NXN: variants seen among roughly 807,000 people sequenced by gnomAD.
NXN encodes nucleoredoxin, also known as nucleoredoxin 1.
In NXN, 16 loss-of-function variants were observed where a neutral mutation model predicts 48.6. The observed-to-expected ratio is 0.33, with a 90% CI of 0.22 to 0.50. The LOEUF is 0.50. Ranked by LOEUF, NXN falls within the 20% of genes least tolerant of loss-of-function variation. NXN has a pLI of 0.98. For synonymous variants in NXN, 281 were observed against 269.6 expected (o/e 1.04, Z -0.41); for missense variants, 492 against 605.5 (o/e 0.81, Z 1.97).
chr17:807,343 G>A lies in NXN; in HGVS notation c.821-2096C>T, dbSNP rs547683458. ...AGCCCCTGCTGCTGTGACAGGCCCCGCGGCCAGCCTGCGTGTGCCCCGGCG... is the reference window on the plus strand; with the variant it reads ...AGCCCCTGCTGCTGTGACAGGCCCCACGGCCAGCCTGCGTGTGCCCCGGCG... On this transcript the variant is annotated intron_variant, in intron 5 of 7. Transcript: ENST00000336868. Among the ~76,000 whole-genome samples the A allele has an allele frequency of 2.6e-3, 399 of 152,306 alleles. 1 individual carries two copies. The highest frequency in any genetic ancestry group is 9.3e-3 in the African/African-American group (387 of 41,564).
At chr17:962,354 G>A (rs537878101) in intron 1 of NXN, among the ~76,000 whole-genome samples, 102 of 152,114 alleles carry the variant, frequency 6.7e-4, no homozygotes, top group African/African-American at 2.1e-3. Flanking sequence ...CTAACAAAAC[G>A]AAGGTCCTTC....
At chr17:953,814 G>A (rs1451417631) in intron 1 of NXN, among the ~76,000 whole-genome samples, 3 of 152,050 alleles carry the variant, frequency 2.0e-5, no homozygotes, top group Admixed American at 1.3e-4. Context: ...ACACGCGCCT[G>A]TAGTCCCAGC....
rs528145268 is a variant in NXN, at chr17:813,772, G to T, written c.820+5667C>A. On this transcript the variant is annotated intron_variant, in intron 5 of 7. Coordinates refer to ENST00000336868, the MANE Select transcript of NXN (RefSeq NM_022463.5). ...TCACGAGGTCAGGAGTTTGAGACCA[G>T]CCTGGTCAAATGGAGAAACTCTGTC... is the stretch of plus-strand genomic sequence containing the variant. Among the ~76,000 whole-genome samples, 89 of 151,494 alleles carry T rather than the reference G, an allele frequency of 5.9e-4. 1 individual carries two copies. In the Middle Eastern group the frequency reaches 0.038, roughly 65 times the overall value.
Position 892,181 on chromosome 17 carries a change from T to C in NXN, c.361-66103A>G, listed in dbSNP as rs55651433. On this transcript the variant is annotated intron_variant, in intron 1 of 7. Transcript: ENST00000336868. ...AGGGAACTAAGCTAACCCCACCATG[T>C]ACAGCCCAACAGGGAACTAAGCTAA... is the stretch of plus-strand genomic sequence containing the variant. Among the ~76,000 whole-genome samples the C allele has an allele frequency of 4.4e-3, 358 of 82,218 alleles. 2 individuals are homozygous for C. The highest frequency in any genetic ancestry group is 0.015 in the African/African-American group (297 of 20,146). 53.9% of individuals were successfully genotyped at this position (82,218 alleles called of 152,430 possible).
At chr17:863,277 C>T (rs149892335) in intron 1 of NXN, among the ~76,000 whole-genome samples, 1 of 152,192 alleles carries the variant, frequency 6.6e-6, no homozygotes, top group Non-Finnish European at 1.5e-5. Flanking sequence ...AAGTGATTCT[C>T]CTACCTCAGC....
intron 1 of NXN, among the ~76,000 whole-genome samples, chr17:965,497 G>A (rs2069291165): frequency 1.3e-5 from 2 of 152,098 alleles, no homozygotes; most frequent in South Asian, 4.1e-4. Flanking sequence ...TGTCTGTGAG[G>A]GCCTCCTACA....
At chr17:975,886 G>A (rs1007593835) in intron 1 of NXN, among the ~76,000 whole-genome samples, 5 of 152,130 alleles carry the variant, frequency 3.3e-5, no homozygotes, top group Non-Finnish European at 7.3e-5. Context: ...CCTGACTATC[G>A]ATCACATTCC....
rs1035945888 is a variant in NXN at position 864,740 on chromosome 17, C to T, written c.361-38662G>A. 3.9e-5 allele frequency among the ~76,000 whole-genome samples: 6 copies of T among 152,180 alleles called. 1 individual carries two copies. The highest frequency in any genetic ancestry group is 2.0e-4 in the Admixed American group (3 of 15,270). Reference sequence around the variant, plus strand: ...CTCACTCTGAGGCTCCTCTAATTAACGGACCTCTAAGGAATGTGTTTGGCA... The same window carrying T: ...CTCACTCTGAGGCTCCTCTAATTAATGGACCTCTAAGGAATGTGTTTGGCA... On this transcript the variant is annotated intron_variant, in intron 1 of 7. Transcript: ENST00000336868.
At chr17:918,880 G>A (rs1284184245) in intron 1 of NXN, among the ~76,000 whole-genome samples, 3 of 151,386 alleles carry the variant, frequency 2.0e-5, no homozygotes, top group East Asian at 3.9e-4. Flanking sequence ...GTTAAACTAC[G>A]TTTCCACAGC....
chr17:812,696 ATG>A (rs1912165391), intron 5 of NXN, among the ~76,000 whole-genome samples: 1 of 103,340 alleles, frequency 9.7e-6, no homozygotes, highest in Non-Finnish European at 2.1e-5. Context: ...GCACATATGA[ATG>A]TAGGTGTTTG....
chr17:953,410 G>A (rs370278235), intron 1 of NXN, among the ~76,000 whole-genome samples: 6 of 152,092 alleles, frequency 3.9e-5, no homozygotes, highest in South Asian at 2.1e-4. Flanking sequence ...GCGAGACTCC[G>A]TCTCAAAAAA....
intron 1 of NXN, among the ~76,000 whole-genome samples, chr17:843,064 A>AAAG (rs1247377678): frequency 1.1e-4 from 15 of 138,130 alleles, no homozygotes; most frequent in South Asian, 4.9e-4. Flanking sequence ...AAGAAGGAAG[A>AAAG]AAGCAAGCAA....
chr17:938,557 C>G (rs1427534117), intron 1 of NXN, among the ~76,000 whole-genome samples: 1 of 151,956 alleles, frequency 6.6e-6, no homozygotes, highest in Non-Finnish European at 1.5e-5. Flanking sequence ...GTGACGAGCC[C>G]CTGTAGTCCC....
At chr17:866,711 C>G (rs532909991) in intron 1 of NXN, among the ~76,000 whole-genome samples, 1 of 152,206 alleles carries the variant, frequency 6.6e-6, no homozygotes, top group East Asian at 1.9e-4. Flanking sequence ...CAGCCTCTAA[C>G]GTTGTTCAAT....
chr17:966,544 T>C (rs2069306300), intron 1 of NXN, among the ~76,000 whole-genome samples: 1 of 151,368 alleles, frequency 6.6e-6, no homozygotes, highest in South Asian at 2.1e-4. Context: ...ACGGGGTTTC[T>C]CCATGTTGGT....
chr17:893,595 CTGGAAG>C (rs2068447243), intron 1 of NXN, among the ~76,000 whole-genome samples: 1 of 149,204 alleles, frequency 6.7e-6, no homozygotes, highest in Admixed American at 6.8e-5. Flanking sequence ...TCTCAACTCC[CTGGAAG>C]CCAGAGGAAG....
At chr17:962,426 G>C (rs986850814) in intron 1 of NXN, among the ~76,000 whole-genome samples, 4 of 152,098 alleles carry the variant, frequency 2.6e-5, no homozygotes, top group African/African-American at 9.7e-5. Flanking sequence ...CCAAGACTTT[G>C]GGAGGTGGAA....
intron 5 of NXN, among the ~76,000 whole-genome samples, chr17:807,599 A>G (rs1291410808): frequency 7.1e-6 from 1 of 141,800 alleles, no homozygotes; most frequent in Non-Finnish European, 1.5e-5. Context: ...GCTTCTGAGG[A>G]GCACTCAGGG....
chr17:812,085 G>A (rs1403906913), intron 5 of NXN, among the ~76,000 whole-genome samples: 1 of 151,138 alleles, frequency 6.6e-6, no homozygotes, highest in Non-Finnish European at 1.5e-5. Flanking sequence ...CCGTCACCAC[G>A]CCTGGCTAAT....
Sources: allele counts gnomAD v4.1 joint callset (sites outside exome capture counted in the v4.1 genomes callset), GRCh38; gene constraint gnomAD v4.1.1; transcripts MANE v1.5; gene names NCBI Gene and HGNC (gene_info 2026-07-23, HGNC 2026-07-21).